Variants in RFWD3 observed in about 807,000 individuals in gnomAD.
RFWD3 encodes the protein E3 ubiquitin-protein ligase RFWD3.
RFWD3 carries 65 observed loss-of-function variants against 87.7 expected under a neutral mutation model. The ratio of observed to expected loss-of-function variants is 0.74; its 90% CI spans 0.61 to 0.91. RFWD3 has a LOEUF of 0.91. RFWD3 is among the 40% of genes least tolerant of loss of function. The pLI is 0.00. For synonymous variants in RFWD3, 433 were observed against 352.8 expected, an observed-to-expected ratio of 1.23 and a Z score of -2.55; for missense variants, 1,078 against 938.5, an observed-to-expected ratio of 1.15 and a Z score of -1.94.
At chr16:74,657,192 C>T (rs1302968523) in intron 2 of RFWD3, among the ~76,000 whole-genome samples, 1 of 152,178 alleles carries the variant, frequency 6.6e-6, no homozygotes, top group African/African-American at 2.4e-5. Flanking sequence ...CCTCTGGTGC[C>T]TGCCAGGCTG....
intron 4 of RFWD3, among the ~76,000 whole-genome samples, chr16:74,645,958 T>A (rs923618529): frequency 1.3e-5 from 2 of 150,568 alleles, no homozygotes; most frequent in African/African-American, 2.4e-5. Flanking sequence ...CCGTGTTAGT[T>A]AGGATGGTCT....
Position 74,661,353 on chromosome 16 carries a change from G to A in RFWD3, c.97C>T (p.Pro33Ser). Residue 33 changes from proline to serine, a missense_variant, in exon 2 of 13, where the codon CCA (proline) becomes TCA (serine). Transcript: ENST00000361070. ...PAGMASSQGGPALLQPVPADV... is the reference protein window; with the variant it reads ...PAGMASSQGGSALLQPVPADV... ...GCAGGAACAGGCTGGAGGAGGGCTG[G>A]TCCCCCTTGGCTGCTGGCCATGCCA... is the stretch of plus-strand genomic sequence containing the variant. 6.2e-7 allele frequency: 1 copy of A among 1,614,074 alleles called. No homozygotes were observed. Among genetic ancestry groups the A allele is most frequent in the East Asian group, 2.2e-5 (1 of 44,884 alleles).
At chr16:74,629,633 A>G (rs1296619079) in intron 10 of RFWD3, among the ~76,000 whole-genome samples, 3 of 151,884 alleles carry the variant, frequency 2.0e-5, no homozygotes, top group Non-Finnish European at 2.9e-5. Context: ...TCTTAAAAAA[A>G]CAAAACAAAA....
At chr16:74,665,493 G>A (rs974890458) in intron 1 of RFWD3, among the ~76,000 whole-genome samples, 65 of 151,848 alleles carry the variant, frequency 4.3e-4, no homozygotes, top group African/African-American at 1.2e-3. Flanking sequence ...CAGGAGAATC[G>A]CTTGAACCCG....
In RFWD3 at chr16:74,630,853, T is replaced by C. The variant is rs756084322; in HGVS notation, c.1682A>G (p.Asn561Ser). Residue 561 changes from asparagine (N) to serine (S), a missense_variant, in exon 10 of 13, where the codon AAT becomes AGT. Transcript: ENST00000361070. ...CACGTCATATACCAGAATTGAACCA[T>C]TGGCCAGTCCAGCATAGATGTAGTT... ...EANYIYAGLA[N>S]GSILVYDVRN... The C allele has an allele frequency of 1.8e-5, 29 of 1,613,868 alleles. No individual in the cohort carries two copies. The highest frequency in any genetic ancestry group is 9.3e-5 in the African/African-American group (7 of 74,892).
In RFWD3 at chr16:74,660,942, C is replaced by T. The variant is rs773583961; in HGVS notation, c.508G>A (p.Asp170Asn). The change falls in exon 2 of 13, where the codon GAC (aspartate) becomes AAC (asparagine). Residue 170 changes from aspartate to asparagine, a missense_variant. Transcript: ENST00000361070. ...CATATATTTATTTACCTGGCACTGT[C>T]TGTCCTCTGAGACCCTCCGGCTCTT... is the stretch of plus-strand genomic sequence containing the variant. ...RARAGGSQRT[D>N]SARLRAPLDA... is the part of the protein sequence containing the mutation. The T allele has an allele frequency of 6.2e-7, 1 of 1,612,744 alleles. No homozygotes were observed. The highest frequency in any genetic ancestry group is 1.1e-5 in the South Asian group (1 of 91,036).
chr16:74,627,104 GGAT>G (rs1320100511), intron 11 of RFWD3, among the ~76,000 whole-genome samples: 3 of 152,140 alleles, frequency 2.0e-5, no homozygotes, highest in African/African-American at 7.2e-5. Flanking sequence ...CCGAGCTGTG[GGAT>G]GATGAAGAGC....
intron 1 of RFWD3, among the ~76,000 whole-genome samples, chr16:74,665,014 A>T (rs1278344474): frequency 6.6e-6 from 1 of 152,180 alleles, no homozygotes; most frequent in Non-Finnish European, 1.5e-5. Context: ...GCTGTTTTTT[A>T]TGTGTGCTGT....
At chr16:74,659,644 A>G (rs1265682670) in intron 2 of RFWD3, among the ~76,000 whole-genome samples, 1 of 152,082 alleles carries the variant, frequency 6.6e-6, no homozygotes, top group Non-Finnish European at 1.5e-5. Flanking sequence ...ACTCTTGTCA[A>G]CACAGAACTA....
At chr16:74,642,391 T>C (rs941137050) in intron 6 of RFWD3, among the ~76,000 whole-genome samples, 6 of 152,338 alleles carry the variant, frequency 3.9e-5, no homozygotes, top group South Asian at 2.1e-4. Flanking sequence ...CCCAGAGTGC[T>C]AGGATTTCAG....
In RFWD3 at chr16:74,663,984, G is replaced by A. The variant is rs150797885; in HGVS notation, c.-2-2533C>T. ...CAGCTAAAACAAAACACAGAACAAA[G>A]CCCTTCTCCCCCTATGCACGAGAAA... On this transcript the variant is annotated intron_variant, in intron 1 of 12. Transcript: ENST00000361070. Among the ~76,000 whole-genome samples the A allele has an allele frequency of 7.2e-4, 110 of 152,288 alleles. 2 individuals carry two copies. The highest frequency in any genetic ancestry group is 3.4e-3 in the Middle Eastern group (1 of 294).
chr16:74,665,420 A>T (rs1597466211), intron 1 of RFWD3: 1 of 152,390 alleles, frequency 6.6e-6, no homozygotes, highest in African/African-American at 2.4e-5. Flanking sequence ...TCCACTAAAA[A>T]TACAAAAACT....
intron 2 of RFWD3, among the ~76,000 whole-genome samples, chr16:74,653,110 G>A (rs1033475220): frequency 2.0e-5 from 3 of 152,162 alleles, no homozygotes; most frequent in Admixed American, 6.5e-5. Flanking sequence ...AGGCCAAGGT[G>A]GGTAAACTGC....
intron 11 of RFWD3, 88 bp downstream of exon 11, chr16:74,628,364 C>T (rs749142702): frequency 2.8e-4 from 353 of 1,259,476 alleles, no homozygotes; most frequent in Non-Finnish European, 3.6e-4. Context: ...GGTACCACAG[C>T]CACCCAAAGG....
chr16:74,653,820 T>G (rs767091678), intron 2 of RFWD3, among the ~76,000 whole-genome samples: 2 of 152,216 alleles, frequency 1.3e-5, no homozygotes, highest in Non-Finnish European at 2.9e-5. Context: ...AATTTATTGA[T>G]GAATTAGGGC....
chr16:74,637,643 A>T (rs1191821707), intron 7 of RFWD3, among the ~76,000 whole-genome samples: 2 of 152,208 alleles, frequency 1.3e-5, no homozygotes, highest in Non-Finnish European at 2.9e-5. Context: ...AAAAAAATAA[A>T]AAATAAAATT....
chr16:74,648,048 G>C (rs1346089635), intron 4 of RFWD3, among the ~76,000 whole-genome samples: 1 of 152,122 alleles, frequency 6.6e-6, no homozygotes, highest in Non-Finnish European at 1.5e-5. Flanking sequence ...CCAGGCTCAA[G>C]TAATCCTGTC....
intron 6 of RFWD3, among the ~76,000 whole-genome samples, chr16:74,638,295 T>C (rs1959323305): frequency 6.6e-6 from 1 of 151,996 alleles, no homozygotes; most frequent in African/African-American, 2.4e-5. Flanking sequence ...GGTTACTGGA[T>C]TAAAAAGGAA....
At chr16:74,645,638 C>G (rs1252407360) in intron 4 of RFWD3, among the ~76,000 whole-genome samples, 1 of 152,008 alleles carries the variant, frequency 6.6e-6, no homozygotes, top group Non-Finnish European at 1.5e-5. Context: ...TAAGTGTGAG[C>G]CACTGCGCCC....
Sources: allele counts gnomAD v4.1 joint callset (sites outside exome capture counted in the v4.1 genomes callset), GRCh38; gene constraint gnomAD v4.1.1; transcripts MANE v1.5; gene names NCBI Gene and HGNC (gene_info 2026-07-23, HGNC 2026-07-21).